CIB1: variants seen among roughly 807,000 people sequenced by gnomAD.
The protein encoded by CIB1 is calcium and integrin-binding protein 1.
A neutral mutation model predicts 25.0 loss-of-function variants in CIB1; 19 were observed. The observed-to-expected ratio is 0.76, with a 90% CI of 0.53 to 1.12. CIB1 has a LOEUF of 1.12. Among genes scored for constraint, CIB1 ranks in the 50% most tolerant of loss-of-function variants. CIB1 has a pLI of 0.00. For synonymous variants in CIB1, 104 were observed against 98.5 expected (o/e 1.06, Z -0.33); for missense variants, 236 against 242.6 (o/e 0.97, Z 0.18).
chr15:90,265,753 G>C, the CIB1 span: 4 of 1,613,102 alleles, frequency 2.5e-6, no homozygotes, highest in East Asian at 6.7e-5. Context: ...GGGCGCGTTT[G>C]CGCCGCCGTC....
chr15:90,265,563 C>T, the CIB1 span: 286 of 1,373,872 alleles, frequency 2.1e-4, no homozygotes, highest in Non-Finnish European at 2.7e-4. Flanking sequence ...GGCCACTGAG[C>T]AGCGTGAGCC....
chr15:90,261,598 G>A, the CIB1 span, among the ~76,000 whole-genome samples: 3 of 151,794 alleles, frequency 2.0e-5, no homozygotes, highest in African/African-American at 7.3e-5. Flanking sequence ...TTGCCAACGT[G>A]GTGAAACCCT....
At chr15:90,242,082 T>A in the CIB1 span, 1 of 1,574,240 alleles carries the variant, frequency 6.4e-7, no homozygotes, top group South Asian at 1.2e-5. Flanking sequence ...CTGGATGTAT[T>A]TATGTTCTTT....
chr15:90,257,068 G>C, the CIB1 span: 1 of 1,401,942 alleles, frequency 7.1e-7, no homozygotes. Flanking sequence ...TGTGTGTGAA[G>C]CACTTAGAAC....
At chr15:90,264,072 A>G in the CIB1 span, 1 of 1,493,278 alleles carries the variant, frequency 6.7e-7, no homozygotes, top group Non-Finnish European at 9.0e-7. Flanking sequence ...AGTATGCAAA[A>G]CTAGCTTTGG....
At chr15:90,234,189 C>T, upstream of CIB1, 1 of 304,902 alleles carries the variant, frequency 3.3e-6, no homozygotes, top group Non-Finnish European at 6.1e-6. Flanking sequence ...GGCCACGCCG[C>T]GCGCGTGCGT....
chr15:90,262,001 CA>C, the CIB1 span: 1 of 1,529,494 alleles, frequency 6.5e-7, no homozygotes, highest in South Asian at 1.2e-5. Flanking sequence ...GCTTGCTTTC[CA>C]CAGGAAAGAA....
chr15:90,262,143 C>G, the CIB1 span: 1 of 1,535,736 alleles, frequency 6.5e-7, no homozygotes, highest in Non-Finnish European at 8.7e-7. Context: ...CACAATGGCT[C>G]CCTCTTCCAA....
chr15:90,261,916 AG>A, the CIB1 span: 1 of 1,090,398 alleles, frequency 9.2e-7, no homozygotes. Context: ...AGAAGCCAGC[AG>A]GAGGGTCTCC....
intron 1 of CIB1, 35 bp downstream of exon 1, chr15:90,233,800 C>G (rs758205426): frequency 6.4e-7 from 1 of 1,550,808 alleles, no homozygotes; most frequent in Non-Finnish European, 8.7e-7. Flanking sequence ...AAGAGGCCCG[C>G]ACGCGAGCTC....
At chr15:90,233,036 GTCC>G (rs1454185011) in intron 2 of CIB1, among the ~76,000 whole-genome samples, 1 of 152,020 alleles carries the variant, frequency 6.6e-6, no homozygotes, top group Non-Finnish European at 1.5e-5. Flanking sequence ...ACACTGAACT[GTCC>G]TCCTCGGCCT....
chr15:90,258,450 T>G, the CIB1 span: 1 of 649,912 alleles, frequency 1.5e-6, no homozygotes, highest in African/African-American at 1.8e-5. Flanking sequence ...GAGTCAAATC[T>G]TGGTGGTTTT....
At chr15:90,244,258 T>A in the CIB1 span, 2 of 152,274 alleles carry the variant, frequency 1.3e-5, no homozygotes, top group African/African-American at 4.8e-5. Context: ...TCCCTGAGCC[T>A]CAGCCATCCC....
chr15:90,249,312 G>C, the CIB1 span, among the ~76,000 whole-genome samples: 1 of 152,104 alleles, frequency 6.6e-6, no homozygotes, highest in African/African-American at 2.4e-5. Context: ...CCGGGGTTTA[G>C]GGAAAGATGG....
At chr15:90,257,649 A>G in the CIB1 span, 1 of 1,614,192 alleles carries the variant, frequency 6.2e-7, no homozygotes, top group Non-Finnish European at 8.5e-7. Flanking sequence ...CAATGTCTGC[A>G]TGCACCTGAC....
At chr15:90,264,004 A>G in the CIB1 span, 16 of 1,535,996 alleles carry the variant, frequency 1.0e-5, no homozygotes, top group East Asian at 4.9e-5. Context: ...TTCATTGTCA[A>G]TGAAGAAGGC....
chr15:90,252,341 C>T, the CIB1 span, among the ~76,000 whole-genome samples: 2 of 151,958 alleles, frequency 1.3e-5, no homozygotes, highest in African/African-American at 4.8e-5. Flanking sequence ...CCAGCCTGCC[C>T]AGCTAATTCT....
the CIB1 span, among the ~76,000 whole-genome samples, chr15:90,254,730 C>T: frequency 1.3e-5 from 2 of 152,012 alleles, no homozygotes; most frequent in East Asian, 1.9e-4. Context: ...GCTTTAGTCC[C>T]AGCCACTTGG....
upstream of CIB1, among the ~76,000 whole-genome samples, chr15:90,238,201 G>A (rs576425941): frequency 1.2e-4 from 18 of 152,288 alleles, no homozygotes; most frequent in African/African-American, 4.3e-4. Context: ...TCAGGAGGCT[G>A]AGGCATGAAA....
Sources: gnomAD v4.1 joint callset for allele counts (sites outside exome capture counted in the v4.1 genomes callset) on GRCh38, gnomAD v4.1.1 for gene constraint, MANE v1.5 for transcripts, NCBI Gene and HGNC (gene_info 2026-07-23, HGNC 2026-07-21) for gene names.